STARD3NL: variants seen among roughly 807,000 people sequenced by gnomAD.
STARD3NL encodes the protein STARD3 N-terminal-like protein.
Under a neutral mutation model 30.9 loss-of-function variants are expected in STARD3NL, and 17 were observed. The observed-to-expected ratio is 0.55, with a 90% CI of 0.38 to 0.82. The LOEUF (loss-of-function observed/expected upper bound fraction) is 0.82, where lower values mean the gene tolerates loss of function less well. Ranked by LOEUF, STARD3NL falls within the 40% of genes least tolerant of loss-of-function variation. The pLI is 0.00. For synonymous variants in STARD3NL, 112 were observed against 100.5 expected (o/e 1.11, Z -0.69); for missense variants, 234 against 277.6 (o/e 0.84, Z 1.12).
chr7:38,227,820 G>A (rs936744465), intron 7 of STARD3NL, among the ~76,000 whole-genome samples: 4 of 152,100 alleles, frequency 2.6e-5, no homozygotes, highest in Non-Finnish European at 5.9e-5. Context: ...GTATGTGTGT[G>A]TGTCTGTGTG....
chr7:38,178,706 C>G (rs1332529321), intron 1 of STARD3NL, among the ~76,000 whole-genome samples: 1 of 152,170 alleles, frequency 6.6e-6, no homozygotes, highest in Non-Finnish European at 1.5e-5. Context: ...CCTCATTCCT[C>G]CAGCCTGCGG....
intron 1 of STARD3NL, among the ~76,000 whole-genome samples, chr7:38,200,631 A>G (rs1785132766): frequency 6.6e-6 from 1 of 152,152 alleles, no homozygotes; most frequent in Admixed American, 6.5e-5. Context: ...AAATTAGCTG[A>G]TATTTCCTTA....
At chr7:38,208,405 T>A (rs78338642) in intron 2 of STARD3NL, among the ~76,000 whole-genome samples, 3,695 of 152,340 alleles carry the variant, frequency 0.024, 270 homozygotes, top group Admixed American at 0.14. Flanking sequence ...AGACCAGTAC[T>A]GTCCAATAGA....
chr7:38,200,823 G>A (rs1317403769), intron 1 of STARD3NL, among the ~76,000 whole-genome samples: 1 of 152,128 alleles, frequency 6.6e-6, no homozygotes, highest in Non-Finnish European at 1.5e-5. Flanking sequence ...CAACTTTGTT[G>A]ACCTGCTGTT....
intron 3 of STARD3NL, among the ~76,000 whole-genome samples, chr7:38,214,793 C>T (rs1345401613): frequency 5.3e-5 from 8 of 152,046 alleles, no homozygotes; most frequent in Admixed American, 5.2e-4. Context: ...AAAATGACAT[C>T]TTTTTTTTCT....
At chr7:38,181,461 A>C (rs1007328493) in intron 1 of STARD3NL, among the ~76,000 whole-genome samples, 1 of 152,210 alleles carries the variant, frequency 6.6e-6, no homozygotes, top group South Asian at 2.1e-4. Flanking sequence ...TAAAATTTAA[A>C]AATGCCCATT....
chr7:38,219,197 C>T (rs1441124062), intron 6 of STARD3NL, among the ~76,000 whole-genome samples: 2 of 152,122 alleles, frequency 1.3e-5, no homozygotes, highest in African/African-American at 2.4e-5. Flanking sequence ...CAGGCATGCA[C>T]TACCACACTC....
At chr7:38,225,199 C>A (rs1208372494) in intron 7 of STARD3NL, among the ~76,000 whole-genome samples, 10 of 151,998 alleles carry the variant, frequency 6.6e-5, no homozygotes, top group African/African-American at 2.4e-4. Flanking sequence ...ATTGTGTTTT[C>A]TTTTTATTAT....
intron 1 of STARD3NL, among the ~76,000 whole-genome samples, chr7:38,179,412 T>A (rs1224470301): frequency 2.6e-5 from 4 of 152,226 alleles, no homozygotes; most frequent in Non-Finnish European, 5.9e-5. Context: ...AAAATCTAAC[T>A]GTCTCAAACA....
chr7:38,201,086 A>G (rs781637453), intron 1 of STARD3NL, among the ~76,000 whole-genome samples: 4 of 152,218 alleles, frequency 2.6e-5, no homozygotes, highest in Non-Finnish European at 5.9e-5. Context: ...ATCTAGACCA[A>G]TTAATTCACT....
intron 2 of STARD3NL, among the ~76,000 whole-genome samples, chr7:38,211,938 T>G (rs530482735): frequency 6.6e-6 from 1 of 152,336 alleles, no homozygotes; most frequent in South Asian, 2.1e-4. Context: ...TTCTCTTCTT[T>G]TCCACTGTTT....
intron 1 of STARD3NL, among the ~76,000 whole-genome samples, chr7:38,189,478 G>T (rs1784595496): frequency 6.6e-6 from 1 of 152,136 alleles, no homozygotes; most frequent in Non-Finnish European, 1.5e-5. Context: ...TTCCCCAGGG[G>T]TCCCTGAGTT....
chr7:38,228,837 C>A lies in STARD3NL; in HGVS notation c.688C>A (p.Pro230Thr). The change falls in exon 8 of 9, where the codon CCA becomes ACA. Residue 230 changes from proline to threonine, a missense_variant. Coordinates refer to ENST00000009041, the MANE Select transcript of STARD3NL (RefSeq NM_032016.4). ...EAEEKQDSEK[P>T]LLEL The stretch of plus-strand genomic sequence containing the variant: ...TGAAGAAAAACAGGACAGTGAGAAA[C>A]CACTTTTAGAACTATGAGTACTACT... 6.2e-7 allele frequency: 1 copy of A among 1,612,606 alleles called. No individual in the cohort carries two copies. Among genetic ancestry groups the A allele is most frequent in the Non-Finnish European group, 8.5e-7 (1 of 1,179,186 alleles).
At chr7:38,225,265 A>T (rs891010619) in intron 7 of STARD3NL, among the ~76,000 whole-genome samples, 15 of 152,154 alleles carry the variant, frequency 9.9e-5, no homozygotes, top group African/African-American at 3.1e-4. Context: ...TATATGATTT[A>T]CAAATATTTT....
chr7:38,196,630 A>T lies in STARD3NL; in HGVS notation c.-58-10817A>T, dbSNP rs187484731. ...TTTGCTGACAAAATTTGATTCTTTGACTCCAAAAATATTTTTTAATTTGAA... is the reference window on the plus strand; with the variant it reads ...TTTGCTGACAAAATTTGATTCTTTGTCTCCAAAAATATTTTTTAATTTGAA... On this transcript the variant is annotated intron_variant, in intron 1 of 8. Transcript: ENST00000009041. Among the ~76,000 whole-genome samples, 34 of 152,036 alleles carry T rather than the reference A, an allele frequency of 2.2e-4. No homozygotes were observed. The East Asian group carries it at 6.4e-3, about 28-fold the overall frequency.
chr7:38,208,147 G>GGGT (rs1785597027), intron 2 of STARD3NL, among the ~76,000 whole-genome samples: 2 of 152,140 alleles, frequency 1.3e-5, no homozygotes, highest in African/African-American at 4.8e-5. Context: ...ACCCACAAAG[G>GGGT]CAAAAATATT....
intron 1 of STARD3NL, among the ~76,000 whole-genome samples, chr7:38,184,553 C>G (rs1784378445): frequency 6.6e-6 from 1 of 150,480 alleles, no homozygotes. Flanking sequence ...AGATCTCATG[C>G]AAACTCAGAG....
chr7:38,211,220 T>G (rs563976490), intron 2 of STARD3NL, among the ~76,000 whole-genome samples: 3 of 152,350 alleles, frequency 2.0e-5, no homozygotes, highest in African/African-American at 7.2e-5. Flanking sequence ...GCTCTATAAA[T>G]GGTGATGACC....
chr7:38,215,464 G>A, intron 4 of STARD3NL: 1 of 247,198 alleles, frequency 4.0e-6, no homozygotes, highest in South Asian at 7.9e-5. Context: ...ACTGCTTAGT[G>A]ATTGTTTTCA....
Sources: allele counts gnomAD v4.1 joint callset (sites outside exome capture counted in the v4.1 genomes callset), GRCh38; gene constraint gnomAD v4.1.1; transcripts MANE v1.5; gene names NCBI Gene and HGNC (gene_info 2026-07-23, HGNC 2026-07-21).